SMPD3: variants seen among roughly 807,000 people sequenced by gnomAD.
SMPD3 encodes nSMase-2.
In SMPD3, 21 loss-of-function variants were observed where a neutral mutation model predicts 55.7. The observed-to-expected ratio is 0.38, with a 90% CI of 0.27 to 0.54. SMPD3 has a LOEUF of 0.54. Ranked by LOEUF, SMPD3 falls within the 20% of genes least tolerant of loss-of-function variation. The pLI, the probability that SMPD3 is intolerant of heterozygous loss-of-function variation, is 0.80. For missense variants in SMPD3, 842 were observed against 899.6 expected (o/e 0.94, Z 0.82); for synonymous variants, 457 against 404.3 (o/e 1.13, Z -1.56).
Position 68,447,933 on chromosome 16 carries a change from CACCAG to C in SMPD3, c.-269+415_-269+419del, listed in dbSNP as rs953138981. 6.6e-6 allele frequency among the ~76,000 whole-genome samples: 1 copy of C among 151,762 alleles called. No individual in the cohort carries two copies. The highest frequency in any genetic ancestry group is 1.5e-5 in the Non-Finnish European group (1 of 67,916). On this transcript the variant is annotated intron_variant, in intron 1 of 8. Transcript: ENST00000219334. This position sits in a 1 kb window ranked among gnomAD's most constrained non-coding sequence, Gnocchi z 5.1. ...AGCGGTCCGCGATCTCATCCATCAC[CACCAG>C]ACTCCTTTGTAACCTCGAGCAGCCG...
chr16:68,387,232 G>T (rs2090064975), intron 1 of SMPD3, among the ~76,000 whole-genome samples: 1 of 152,060 alleles, frequency 6.6e-6, no homozygotes. Flanking sequence ...GGGATTTGGT[G>T]GCTCCCCCCT....
In SMPD3 at chr16:68,387,647, C is replaced by T. The variant is rs183139323; in HGVS notation, c.-268-988G>A. ...AGTCTCTGCTTTCAAGTTCAGCAGC[C>T]CCCTGCCCAATGCCCAGCACAGCCA... On this transcript the variant is annotated intron_variant, in intron 1 of 8. Coordinates refer to ENST00000219334, the MANE Select transcript of SMPD3 (RefSeq NM_018667.4). 4.1e-3 allele frequency among the ~76,000 whole-genome samples: 629 copies of T among 152,342 alleles called. 7 individuals are homozygous for T. The highest frequency in any genetic ancestry group is 0.014 in the African/African-American group (581 of 41,568).
At chr16:68,405,150 G>C (rs1005942090) in intron 1 of SMPD3, among the ~76,000 whole-genome samples, 3 of 152,136 alleles carry the variant, frequency 2.0e-5, no homozygotes, top group Non-Finnish European at 2.9e-5. Flanking sequence ...TTTGATGAGG[G>C]CTTGGGTCAC....
At chr16:68,362,007 G>A (rs941654894) in intron 7 of SMPD3, among the ~76,000 whole-genome samples, 2 of 152,224 alleles carry the variant, frequency 1.3e-5, no homozygotes, top group African/African-American at 4.8e-5. Flanking sequence ...CCCCAGCCTG[G>A]CCAGCACTCA....
At position 68,411,092 on chromosome 16, in the gene SMPD3, C is replaced by T. The variant is rs2090295982; in HGVS notation, c.-268-24433G>A. Among the ~76,000 whole-genome samples, 3 of 152,260 alleles carry T rather than the reference C, an allele frequency of 2.0e-5. No homozygotes were observed. In the South Asian group the frequency reaches 6.2e-4, roughly 31 times the overall value. Reference sequence around the variant, plus strand: ...CAGGAAGAGGCCATGTGGCTGCACTCCTCTATGACCAGAATGTCCCTGTGG... The same window carrying T: ...CAGGAAGAGGCCATGTGGCTGCACTTCTCTATGACCAGAATGTCCCTGTGG... On this transcript the variant is annotated intron_variant, in intron 1 of 8. Coordinates refer to ENST00000219334, the MANE Select transcript of SMPD3 (RefSeq NM_018667.4).
chr16:68,418,540 G>T (rs2090357904), intron 1 of SMPD3, among the ~76,000 whole-genome samples: 1 of 152,124 alleles, frequency 6.6e-6, no homozygotes, highest in African/African-American at 2.4e-5. Context: ...TCCTGATAGG[G>T]ACATATTCCC....
At chr16:68,407,327 A>G (rs1445753764) in intron 1 of SMPD3, among the ~76,000 whole-genome samples, 1 of 152,234 alleles carries the variant, frequency 6.6e-6, no homozygotes, top group African/African-American at 2.4e-5. Flanking sequence ...CTTAGGCATA[A>G]ATTAAAGCTA....
At position 68,361,636 on chromosome 16, in the gene SMPD3, A is replaced by C. The variant is rs770180299; in HGVS notation, c.1833T>G (p.His611Gln). 1 of 1,610,890 alleles carries C rather than the reference A, an allele frequency of 6.2e-7. No individual in the cohort carries two copies. The highest frequency in any genetic ancestry group is 8.5e-7 in the Non-Finnish European group (1 of 1,179,906). ...AGTCTGGGCACAGCCCCTCCTCTGC[A>C]TGCAGCATGTAGTCGATGCGCCGGC... ...GNGRRIDYML[H>Q]AEEGLCPDWK... Residue 611 changes from histidine (H) to glutamine (Q), a missense_variant, in exon 8 of 9, where the codon CAT (histidine) becomes CAG (glutamine). This residue lies in a region of SMPD3 where 649 missense variants were observed against 643.6 expected (regional missense o/e 1.01). Transcript: ENST00000219334.
intron 1 of SMPD3, among the ~76,000 whole-genome samples, chr16:68,422,410 G>A (rs538586739): frequency 1.3e-5 from 2 of 152,300 alleles, no homozygotes; most frequent in East Asian, 3.9e-4. Context: ...ATCTGGGCAG[G>A]TGCTTGGACA....
At chr16:68,434,567 T>C (rs1043424322) in intron 1 of SMPD3, among the ~76,000 whole-genome samples, 1 of 152,236 alleles carries the variant, frequency 6.6e-6, no homozygotes, top group African/African-American at 2.4e-5. Flanking sequence ...CTAGAACCTT[T>C]GTCTTCTTAC....
At chr16:68,372,630 C>T (rs1027041508) in intron 2 of SMPD3, among the ~76,000 whole-genome samples, 2 of 152,352 alleles carry the variant, frequency 1.3e-5, no homozygotes, top group Admixed American at 6.5e-5. Flanking sequence ...CCCTAACTAA[C>T]CATCTTGACC....
chr16:68,364,126 G>A (rs1044219136), intron 5 of SMPD3, among the ~76,000 whole-genome samples: 5 of 152,202 alleles, frequency 3.3e-5, no homozygotes, highest in Non-Finnish European at 7.3e-5. Flanking sequence ...AGTGACCACG[G>A]TCCTCGGACA....
At chr16:68,373,216 C>T (rs137964061) in intron 2 of SMPD3, among the ~76,000 whole-genome samples, 2 of 152,342 alleles carry the variant, frequency 1.3e-5, no homozygotes, top group South Asian at 4.1e-4. Flanking sequence ...GCAGCCCAGT[C>T]GAGACCCACA....
At chr16:68,420,480 A>C (rs116651930) in intron 1 of SMPD3, among the ~76,000 whole-genome samples, 2,779 of 152,298 alleles carry the variant, frequency 0.018, 52 homozygotes, top group South Asian at 0.056. Flanking sequence ...CAGGCTTAAA[A>C]GGGATGCTTC....
At position 68,360,522 on chromosome 16, in the gene SMPD3, C is replaced by T. The variant is rs2089194663; in HGVS notation, c.*684G>A. 6.5e-6 allele frequency: 1 copy of T among 152,834 alleles called. No homozygotes were observed. Among genetic ancestry groups the T allele is most frequent in the African/African-American group, 2.4e-5 (1 of 41,456 alleles). 9.5% of individuals were successfully genotyped at this position (152,834 alleles called of 1,614,324 possible). On this transcript the variant is annotated 3_prime_UTR_variant, in exon 9 of 9. Transcript: ENST00000219334. ...AAGTTCTATGAGTGACTTACAGACC[C>T]TGTGAAGTGAGGGTTGGTTTTGTGA... is the stretch of plus-strand genomic sequence containing the variant.
chr16:68,429,434 T>C lies in SMPD3; in HGVS notation c.-269+18919A>G, dbSNP rs543092771. Among the ~76,000 whole-genome samples the C allele has an allele frequency of 2.6e-5, 4 of 152,348 alleles. No homozygotes were observed. In the South Asian group the frequency reaches 8.3e-4, roughly 32 times the overall value. On this transcript the variant is annotated intron_variant, in intron 1 of 8. Coordinates refer to ENST00000219334, the MANE Select transcript of SMPD3 (RefSeq NM_018667.4). ...ATGGAAACCTTGGTGCTGGGCTGGA[T>C]TTCCTGAGAAGGATCTGGGTAGGTT...
intron 1 of SMPD3, among the ~76,000 whole-genome samples, chr16:68,438,921 C>A (rs534474872): frequency 6.6e-6 from 1 of 152,176 alleles, no homozygotes; most frequent in Admixed American, 6.5e-5. Flanking sequence ...TTACTGTCTG[C>A]GTGACCTTAA....
At chr16:68,393,843 C>T (rs2090133200) in intron 1 of SMPD3, among the ~76,000 whole-genome samples, 1 of 152,174 alleles carries the variant, frequency 6.6e-6, no homozygotes, top group Non-Finnish European at 1.5e-5. Context: ...GAAGACTTTG[C>T]TTTCCCCTAC....
chr16:68,427,878 G>A lies in SMPD3; in HGVS notation c.-269+20475C>T, dbSNP rs935138869. On this transcript the variant is annotated intron_variant, in intron 1 of 8. Transcript: ENST00000219334. ...GGGACGGGAGGAGCTTGGCAAGCGG[G>A]GGCAGGTACAAGACAGGTTCACCTG... Among the ~76,000 whole-genome samples, 8 of 152,090 alleles carry A rather than the reference G, an allele frequency of 5.3e-5. 1 individual carries two copies. The highest frequency in any genetic ancestry group is 5.2e-4 in the Admixed American group (8 of 15,270).
Sources: gnomAD v4.1 joint callset for allele counts (sites outside exome capture counted in the v4.1 genomes callset) on GRCh38, gnomAD v4.1.1 for gene constraint, gnomAD v4.1.1 regional missense constraint, Gnocchi (gnomAD v3.1) non-coding constraint, MANE v1.5 for transcripts, NCBI Gene and HGNC (gene_info 2026-07-23, HGNC 2026-07-21) for gene names.